Variants in NUMB observed in about 807,000 individuals in gnomAD.
NUMB encodes the protein NUMB endocytic adaptor protein.
NUMB carries 29 observed loss-of-function variants against 59.7 expected under a neutral mutation model. The ratio of observed to expected loss-of-function variants is 0.49; its 90% confidence interval spans 0.36 to 0.66. The LOEUF (loss-of-function observed/expected upper bound fraction) is 0.66, where lower values mean the gene tolerates loss of function less well. Ranked by LOEUF, NUMB falls within the 30% of genes least tolerant of loss-of-function variation. NUMB has a pLI of 0.00. For synonymous variants in NUMB, 288 were observed against 288.2 expected, an observed-to-expected ratio of 1.00 and a Z score of 0.01; for missense variants, 723 against 822.0, an observed-to-expected ratio of 0.88 and a Z score of 1.47.
chr14:73,416,714 G>T (rs998272385), intron 1 of NUMB, among the ~76,000 whole-genome samples: 2 of 152,024 alleles, frequency 1.3e-5, no homozygotes, highest in Non-Finnish European at 2.9e-5. Context: ...GGTGGCACAT[G>T]CCTGTAAATC....
Position 73,431,438 on chromosome 14 carries a change from T to C in NUMB, c.-232-21370A>G, listed in dbSNP as rs575812190. Among the ~76,000 whole-genome samples the C allele has an allele frequency of 2.9e-4, 44 of 151,542 alleles. 1 individual carries two copies. The South Asian group carries it at 8.8e-3, about 30-fold the overall frequency. On this transcript the variant is annotated intron_variant, in intron 1 of 12. Coordinates refer to ENST00000555238, the MANE Select transcript of NUMB (RefSeq NM_001005743.2). ...ACCTGACTAATTTTTGTATTTTTAG[T>C]AGAGACAGGGTTTTGCCACATTGGC...
chr14:73,355,645 T>C lies in NUMB; in HGVS notation c.107A>G (p.Lys36Arg), dbSNP rs1400048709. Residue 36 changes from lysine (K) to arginine (R), a missense_variant, in exon 4 of 13, where the codon AAA becomes AGA. This residue lies in a region of NUMB where 317 missense variants were observed against 436.6 expected (regional missense o/e 0.73). Transcript: ENST00000555238. ...TCTTACCTTAACCGGGAAGCTACAT[T>C]TTCCGGTGCGAACGCCTTCTTCATC... ...QTDEEGVRTGKCSFPVKYLGH... is the reference protein window; with the variant it reads ...QTDEEGVRTGRCSFPVKYLGH... 3.1e-6 allele frequency: 5 copies of C among 1,613,408 alleles called. No individual in the cohort carries two copies. Among genetic ancestry groups the C allele is most frequent in the Non-Finnish European group, 4.2e-6 (5 of 1,179,732 alleles).
intron 7 of NUMB, 93 bp downstream of exon 7, chr14:73,297,118 G>A: frequency 2.5e-6 from 2 of 796,712 alleles, no homozygotes; most frequent in African/African-American, 3.5e-5. Context: ...GGTGGGCCGA[G>A]ATCGTGCCAT....
chr14:73,339,705 T>C (rs1001082924), intron 4 of NUMB, among the ~76,000 whole-genome samples: 20 of 152,144 alleles, frequency 1.3e-4, no homozygotes, highest in African/African-American at 4.8e-4. Context: ...AACCATTCTA[T>C]TTTAAATTGT....
Position 73,276,523 on chromosome 14 carries a change from C to T in NUMB, c.*55G>A, listed in dbSNP as rs1888162246. On this transcript the variant is annotated 3_prime_UTR_variant, in exon 13 of 13. Transcript: ENST00000555238. ...ACAAAGTCTGTTTTGCTCCTTTGACCGCTACCCCCTGCTCCCTGTCTGGTA... is the reference window on the plus strand; with the variant it reads ...ACAAAGTCTGTTTTGCTCCTTTGACTGCTACCCCCTGCTCCCTGTCTGGTA... 21 of 1,425,322 alleles carry T rather than the reference C, an allele frequency of 1.5e-5. No individual in the cohort carries two copies. The highest frequency in any genetic ancestry group is 2.3e-5 in the East Asian group (1 of 43,696). 88.3% of individuals were successfully genotyped at this position (1,425,322 alleles called of 1,614,324 possible). A position where few individuals can be genotyped will look rare whatever the true frequency, so the allele number is the denominator to read the frequency against.
Position 73,328,405 on chromosome 14 carries a change from G to A in NUMB, c.127-5201C>T, listed in dbSNP as rs183963952. 7.2e-5 allele frequency among the ~76,000 whole-genome samples: 11 copies of A among 151,990 alleles called. No individual in the cohort carries two copies. The South Asian group carries it at 1.3e-3, about 17-fold the overall frequency. ...GTTGAAGTATATCTTGGTTATTTCC[G>A]GTTTTGGTGATAATAAATAAAGCCA... On this transcript the variant is annotated intron_variant, in intron 4 of 12. Coordinates refer to ENST00000555238, the MANE Select transcript of NUMB (RefSeq NM_001005743.2).
At chr14:73,287,660 G>T (rs1029560957) in intron 8 of NUMB, among the ~76,000 whole-genome samples, 1 of 152,184 alleles carries the variant, frequency 6.6e-6, no homozygotes, top group African/African-American at 2.4e-5. Flanking sequence ...TTACAGGCAT[G>T]AGCCACCACA....
chr14:73,288,422 G>A (rs1305401214), intron 8 of NUMB, among the ~76,000 whole-genome samples: 2 of 152,098 alleles, frequency 1.3e-5, no homozygotes, highest in Non-Finnish European at 2.9e-5. Context: ...GTGGTGGCGG[G>A]TGCCTGTAAT....
intron 2 of NUMB, among the ~76,000 whole-genome samples, chr14:73,381,794 T>A (rs1295115083): frequency 6.6e-6 from 1 of 152,116 alleles, no homozygotes. Flanking sequence ...TAAATTAATA[T>A]TGTTTAAAAA....
chr14:73,368,605 T>C (rs28452111), intron 2 of NUMB, among the ~76,000 whole-genome samples: 13,442 of 150,590 alleles, frequency 0.089, 1,198 homozygotes, highest in African/African-American at 0.22. Flanking sequence ...AAAAAAAAAA[T>C]TGAAAAGAAA....
chr14:73,384,858 G>A (rs931047125), intron 2 of NUMB, among the ~76,000 whole-genome samples: 5 of 150,292 alleles, frequency 3.3e-5, no homozygotes, highest in African/African-American at 9.8e-5. Context: ...GATTACAGGT[G>A]TGAGCCACCA....
At chr14:73,410,342 G>A (rs911730852) in intron 1 of NUMB, among the ~76,000 whole-genome samples, 6 of 152,136 alleles carry the variant, frequency 3.9e-5, no homozygotes, top group South Asian at 2.1e-4. Context: ...CAAATTCTCC[G>A]TGCATAAGTC....
At chr14:73,316,246 C>T (rs10137332) in intron 6 of NUMB, 144 bp downstream of exon 6, 166,540 of 659,272 alleles carry the variant, frequency 0.25, 26,492 homozygotes, top group East Asian at 0.71. Context: ...TAGTAACTTC[C>T]TAATTCATTA....
intron 11 of NUMB, chr14:73,281,467 G>A (rs973163006): frequency 1.3e-5 from 2 of 152,154 alleles, no homozygotes; most frequent in African/African-American, 2.4e-5. Flanking sequence ...AAAGACCCTT[G>A]GAGAAAAAGT....
intron 4 of NUMB, among the ~76,000 whole-genome samples, chr14:73,352,495 T>C (rs1245138991): frequency 0.015 from 131 of 8,864 alleles, 16 homozygotes; most frequent in East Asian, 0.018. Context: ...TATATATATA[T>C]ATATATATAT....
intron 2 of NUMB, among the ~76,000 whole-genome samples, chr14:73,404,907 C>T (rs112989478): frequency 0.015 from 2,256 of 152,042 alleles, 53 homozygotes; most frequent in African/African-American, 0.048. Context: ...ATTACAGGCA[C>T]GCACCACTGA....
intron 2 of NUMB, among the ~76,000 whole-genome samples, chr14:73,382,308 G>A (rs528908719): frequency 6.6e-6 from 1 of 151,946 alleles, no homozygotes; most frequent in African/African-American, 2.4e-5. Flanking sequence ...CATCATGCCT[G>A]GCTAATTTTT....
At chr14:73,434,625 G>A (rs1266528309) in intron 1 of NUMB, among the ~76,000 whole-genome samples, 1 of 152,112 alleles carries the variant, frequency 6.6e-6, no homozygotes, top group Non-Finnish European at 1.5e-5. Flanking sequence ...CAGCACTCTG[G>A]GAGGATGAGG....
chr14:73,451,419 A>G (rs1883962345), intron 1 of NUMB, among the ~76,000 whole-genome samples: 1 of 143,834 alleles, frequency 7.0e-6, no homozygotes, highest in African/African-American at 2.6e-5. Context: ...CCTGGGCAAC[A>G]GAGGAGACAC....
Sources: gnomAD v4.1 joint callset for allele counts (sites outside exome capture counted in the v4.1 genomes callset) on GRCh38, gnomAD v4.1.1 for gene constraint, gnomAD v4.1.1 regional missense constraint, MANE v1.5 for transcripts, NCBI Gene and HGNC (gene_info 2026-07-23, HGNC 2026-07-21) for gene names.